The following RBFOX1 variants were observed in gnomAD, a reference collection of about 807,000 sequenced individuals.
The protein encoded by RBFOX1 is RNA binding protein fox-1 homolog 1.
In RBFOX1, 8 loss-of-function variants were observed where a neutral mutation model predicts 57.7. The observed-to-expected ratio is 0.14, with a 90% CI of 0.08 to 0.25. The LOEUF (loss-of-function observed/expected upper bound fraction) is 0.25. Among genes scored for constraint, RBFOX1 ranks in the 10% least tolerant of loss-of-function variants. The pLI is 1.00. For synonymous variants in RBFOX1, 326 were observed against 222.4 expected, an observed-to-expected ratio of 1.47 and a Z score of -4.15; for missense variants, 611 against 548.5, an observed-to-expected ratio of 1.11 and a Z score of -1.14.
chr16:5,391,568 G>T (rs117636056), intron 1 of RBFOX1, among the ~76,000 whole-genome samples: 1 of 152,092 alleles, frequency 6.6e-6, no homozygotes, highest in African/African-American at 2.4e-5. Context: ...CTGTGTGCCA[G>T]TTCTGGAAGC....
chr16:6,953,895 G>GT (rs1206436258), intron 3 of RBFOX1, among the ~76,000 whole-genome samples: 1 of 151,968 alleles, frequency 6.6e-6, no homozygotes, highest in South Asian at 2.1e-4. Context: ...TTGACGTAAA[G>GT]TTTTTTTTGG....
intron 3 of RBFOX1, among the ~76,000 whole-genome samples, chr16:6,872,679 C>G (rs1369397637): frequency 6.6e-6 from 1 of 152,136 alleles, no homozygotes; most frequent in African/African-American, 2.4e-5. Flanking sequence ...TCACTGCTAG[C>G]AAAATTATAA....
chr16:5,344,265 C>G (rs1020293731), intron 1 of RBFOX1, among the ~76,000 whole-genome samples: 3 of 152,196 alleles, frequency 2.0e-5, no homozygotes, highest in Non-Finnish European at 1.5e-5. Flanking sequence ...GCAGCTCCCT[C>G]TCTCCTGCTA....
At chr16:7,255,726 T>C (rs1340761688) in intron 4 of RBFOX1, among the ~76,000 whole-genome samples, 1 of 152,218 alleles carries the variant, frequency 6.6e-6, no homozygotes, top group African/African-American at 2.4e-5. Flanking sequence ...TTTTAATAAA[T>C]TTTACTTAAT....
At chr16:7,047,383 A>AT (rs946358815) in intron 3 of RBFOX1, among the ~76,000 whole-genome samples, 1 of 151,596 alleles carries the variant, frequency 6.6e-6, no homozygotes, top group African/African-American at 2.4e-5. Context: ...ACCTCTCTGG[A>AT]TTTTTGTTTG....
In RBFOX1 at chr16:7,001,253, T is replaced by A. The variant is rs183965005; in HGVS notation, c.-15-50804T>A. ...CCAGTGGGAATGTCTTTCTGCTGTC[T>A]CCTTGTTCAGATGGATGGAGAGATT... On this transcript the variant is annotated intron_variant, in intron 3 of 15. Coordinates refer to ENST00000550418, the MANE Select transcript of RBFOX1 (RefSeq NM_018723.4). Among the ~76,000 whole-genome samples the A allele has an allele frequency of 2.6e-5, 4 of 152,284 alleles. No individual in the cohort carries two copies. In the East Asian group the frequency reaches 7.7e-4, roughly 29 times the overall value.
intron 3 of RBFOX1, among the ~76,000 whole-genome samples, chr16:6,837,055 A>G (rs1440538824): frequency 6.6e-6 from 1 of 152,204 alleles, no homozygotes; most frequent in Non-Finnish European, 1.5e-5. Flanking sequence ...AGGACAGGGT[A>G]AGGATGAGTT....
intron 4 of RBFOX1, among the ~76,000 whole-genome samples, chr16:6,005,259 C>G (rs746610355): frequency 6.6e-6 from 1 of 152,162 alleles, no homozygotes; most frequent in South Asian, 2.1e-4. Context: ...AATACAATAG[C>G]CATTTAAGGA....
At chr16:7,072,819 T>C (rs1160074973) in intron 4 of RBFOX1, among the ~76,000 whole-genome samples, 1 of 152,144 alleles carries the variant, frequency 6.6e-6, no homozygotes, top group Non-Finnish European at 1.5e-5. Flanking sequence ...GTTGGCCCAG[T>C]TTTATTCCTG....
intron 4 of RBFOX1, among the ~76,000 whole-genome samples, chr16:7,058,904 A>C (rs1282018554): frequency 6.6e-6 from 1 of 152,212 alleles, no homozygotes; most frequent in Non-Finnish European, 1.5e-5. Context: ...CGCAGTTATG[A>C]CAAAGATTGT....
At chr16:6,630,055 G>C (rs1344788547) in intron 2 of RBFOX1, among the ~76,000 whole-genome samples, 7 of 150,894 alleles carry the variant, frequency 4.6e-5, no homozygotes, top group African/African-American at 1.7e-4. Flanking sequence ...GAAAAATCCT[G>C]TGGTTTCTTC....
At chr16:7,336,070 T>C (rs950673199) in intron 4 of RBFOX1, among the ~76,000 whole-genome samples, 2 of 152,228 alleles carry the variant, frequency 1.3e-5, no homozygotes, top group African/African-American at 4.8e-5. Context: ...AATGTACTAC[T>C]TAACACTACT....
rs13335630 is a variant in RBFOX1, at chr16:5,798,832, G to C, written c.319-68471G>C. ...CCTCCCAGGTGCTTGCCTTTTATGG[G>C]CACTACATAAACCCCTCCAGCGTCA... is the stretch of plus-strand genomic sequence containing the variant. On this transcript the variant is annotated intron_variant, in intron 3 of 19. Transcript: ENST00000641259. 4.7e-3 allele frequency among the ~76,000 whole-genome samples: 712 copies of C among 152,190 alleles called. 4 individuals are homozygous for C. Among genetic ancestry groups the C allele is most frequent in the African/African-American group, 0.016 (683 of 41,530 alleles).
chr16:6,199,367 A>T (rs987536454), intron 1 of RBFOX1, among the ~76,000 whole-genome samples: 1 of 152,168 alleles, frequency 6.6e-6, no homozygotes, highest in Non-Finnish European at 1.5e-5. Context: ...TTTCTAGTTC[A>T]TGAAAGTCAA....
chr16:7,512,857 G>C (rs936475377), intron 4 of RBFOX1, among the ~76,000 whole-genome samples: 1 of 152,240 alleles, frequency 6.6e-6, no homozygotes, highest in African/African-American at 2.4e-5. Flanking sequence ...CATTGGAATT[G>C]CTGGCATATT....
In RBFOX1 at chr16:5,879,443, C is replaced by T. The variant is rs556074443; in HGVS notation, c.351+12108C>T. ...CCTCCCAGGTTCAACGATTCTCCTG[C>T]CTCAGGCTCCTAGGTAACCGGGACT... On this transcript the variant is annotated intron_variant, in intron 4 of 19. Coordinates refer to the RBFOX1 transcript ENST00000641259. Among the ~76,000 whole-genome samples, 527 of 152,302 alleles carry T rather than the reference C, an allele frequency of 3.5e-3. 3 individuals carry two copies. Among genetic ancestry groups the T allele is most frequent in the Non-Finnish European group, 5.0e-3 (341 of 68,022 alleles).
At chr16:7,409,657 C>T (rs1267679501) in intron 4 of RBFOX1, among the ~76,000 whole-genome samples, 2 of 152,208 alleles carry the variant, frequency 1.3e-5, no homozygotes, top group Non-Finnish European at 2.9e-5. Context: ...AATCCAATCA[C>T]TATAGGCCAG....
intron 4 of RBFOX1, among the ~76,000 whole-genome samples, chr16:7,343,419 A>T (rs777545619): frequency 4.6e-5 from 7 of 152,182 alleles, no homozygotes; most frequent in Non-Finnish European, 8.8e-5. Flanking sequence ...GAATCTGACC[A>T]GCAGTGGGAT....
At chr16:6,549,611 C>G (rs1274281902) in intron 2 of RBFOX1, among the ~76,000 whole-genome samples, 1 of 151,548 alleles carries the variant, frequency 6.6e-6, no homozygotes, top group Non-Finnish European at 1.5e-5. Flanking sequence ...GATACTGCAG[C>G]AAATTGTAGG....
Sources: allele counts gnomAD v4.1 joint callset (sites outside exome capture counted in the v4.1 genomes callset), GRCh38; gene constraint gnomAD v4.1.1; transcripts MANE v1.5; gene names NCBI Gene and HGNC (gene_info 2026-07-23, HGNC 2026-07-21).